SSPN: variants seen among roughly 807,000 people sequenced by gnomAD.
SSPN encodes K-ras oncogene-associated protein.
In SSPN, 15 loss-of-function variants were observed where a neutral mutation model predicts 19.1. That is an observed-to-expected ratio of 0.78 (90% CI 0.52 to 1.21). The LOEUF is 1.21. SSPN is among the 50% of genes most tolerant of loss of function. The pLI, the probability that SSPN is intolerant of heterozygous loss-of-function variation, is 0.00. For synonymous variants in SSPN, 147 were observed against 140.3 expected, an observed-to-expected ratio of 1.05 and a Z score of -0.34; for missense variants, 291 against 314.0, an observed-to-expected ratio of 0.93 and a Z score of 0.55.
At chr12:26,211,050 A>G (rs1944980853) in intron 1 of SSPN, 1 of 152,154 alleles carries the variant, frequency 6.6e-6, no homozygotes, top group South Asian at 2.1e-4. Flanking sequence ...GTGTGAGTGA[A>G]TTCAAGATGG....
chr12:26,200,755 C>T (rs1275947001), intron 1 of SSPN, among the ~76,000 whole-genome samples: 11 of 151,666 alleles, frequency 7.3e-5, no homozygotes, highest in Non-Finnish European at 1.2e-4. Flanking sequence ...ATACATTATT[C>T]ATCATATTGG....
At chr12:26,185,857 C>T (rs977265022) in intron 1 of SSPN, among the ~76,000 whole-genome samples, 1 of 152,192 alleles carries the variant, frequency 6.6e-6, no homozygotes, top group African/African-American at 2.4e-5. Context: ...CAGCGTGTGT[C>T]ATCCTTTATG....
At chr12:26,161,696 C>A (rs1944590208) in intron 1 of SSPN, among the ~76,000 whole-genome samples, 1 of 152,142 alleles carries the variant, frequency 6.6e-6, no homozygotes, top group Non-Finnish European at 1.5e-5. Flanking sequence ...TACCAGGGAC[C>A]AGTTTCATGG....
At chr12:26,177,397 C>T (rs116910287) in intron 1 of SSPN, among the ~76,000 whole-genome samples, 3,461 of 152,250 alleles carry the variant, frequency 0.023, 63 homozygotes, top group Admixed American at 0.038. Context: ...TCGTCTGCAT[C>T]CCCAGTGCTT....
At chr12:26,145,503 G>T (rs1052374999) in intron 1 of SSPN, among the ~76,000 whole-genome samples, 3 of 152,178 alleles carry the variant, frequency 2.0e-5, no homozygotes, top group Admixed American at 6.5e-5. Flanking sequence ...AGTGGTGTCC[G>T]CTATGCCTGG....
chr12:26,124,682 C>G, intron 1 of SSPN: 1 of 1,613,804 alleles, frequency 6.2e-7, no homozygotes, highest in Non-Finnish European at 8.5e-7. Context: ...CAAACCAAAG[C>G]CTAGACAGAT....
chr12:26,148,524 G>A lies in SSPN; in HGVS notation c.-31+26372G>A, dbSNP rs542004175. ...GCTGCTTTACAGAGTGGATGTAAGT[G>A]AAAAATTCAAGGCTTGGAGCAGGCC... On this transcript the variant is annotated intron_variant, in intron 1 of 2. Transcript: ENST00000538142. Among the ~76,000 whole-genome samples the A allele has an allele frequency of 3.3e-5, 5 of 152,310 alleles. No individual in the cohort carries two copies. In the South Asian group the frequency reaches 6.2e-4, roughly 19 times the overall value.
intron 1 of SSPN, among the ~76,000 whole-genome samples, chr12:26,151,136 T>A (rs759470660): frequency 6.6e-6 from 1 of 152,196 alleles, no homozygotes; most frequent in Non-Finnish European, 1.5e-5. Context: ...TTTCTATGAC[T>A]GTTCCTTCTC....
intron 1 of SSPN, among the ~76,000 whole-genome samples, chr12:26,163,368 C>T (rs956078036): frequency 1.3e-5 from 2 of 152,158 alleles, no homozygotes; most frequent in East Asian, 3.8e-4. Context: ...GAATGTCTAG[C>T]ACAAGAATAA....
chr12:26,224,415 A>G, intron 2 of SSPN, 36 bp downstream of exon 2: 2 of 1,506,368 alleles, frequency 1.3e-6, no homozygotes, highest in Non-Finnish European at 1.8e-6. Flanking sequence ...TTATCATCAC[A>G]TAGAAAGAAA....
chr12:26,140,840 T>C (rs982828017), intron 1 of SSPN, among the ~76,000 whole-genome samples: 1 of 152,234 alleles, frequency 6.6e-6, no homozygotes, highest in Non-Finnish European at 1.5e-5. Flanking sequence ...GGTAGTTCTT[T>C]ATAGCAATGT....
chr12:26,162,074 GT>G (rs1472093860), intron 1 of SSPN, among the ~76,000 whole-genome samples: 2 of 152,146 alleles, frequency 1.3e-5, no homozygotes, highest in Non-Finnish European at 2.9e-5. Flanking sequence ...ATAAATGAAT[GT>G]TTTTGGTGCA....
rs188769266 is a variant in SSPN, at chr12:26,174,709, C to T, written c.-30-49584C>T. Among the ~76,000 whole-genome samples the T allele has an allele frequency of 1.9e-4, 29 of 152,072 alleles. No individual in the cohort carries two copies. In the East Asian group the frequency reaches 3.9e-3, roughly 20 times the overall value. Reference sequence around the variant, plus strand: ...CTCATTTTTGTATTTTTAGTAGAGACGGGGTTTCACCATGTTGGCCAGGCT... The same window carrying T: ...CTCATTTTTGTATTTTTAGTAGAGATGGGGTTTCACCATGTTGGCCAGGCT... On this transcript the variant is annotated intron_variant, in intron 1 of 2. Transcript: ENST00000538142.
chr12:26,226,528 C>T (rs1029102957), intron 2 of SSPN, among the ~76,000 whole-genome samples: 2 of 151,948 alleles, frequency 1.3e-5, no homozygotes, highest in African/African-American at 4.8e-5. Flanking sequence ...GCTGGGACAG[C>T]CCTCTGGGGG....
chr12:26,141,911 G>A lies in SSPN; in HGVS notation c.-31+19759G>A, dbSNP rs537321461. Reference sequence around the variant, plus strand: ...ACAGTATAATGAAGGCTATAAAAGGGACTCATATGGGGAGTCACAGGCACC... The same window carrying A: ...ACAGTATAATGAAGGCTATAAAAGGAACTCATATGGGGAGTCACAGGCACC... On this transcript the variant is annotated intron_variant, in intron 1 of 2. Transcript: ENST00000538142. Among the ~76,000 whole-genome samples, 11 of 152,276 alleles carry A rather than the reference G, an allele frequency of 7.2e-5. No individual in the cohort carries two copies. In the South Asian group the frequency reaches 2.3e-3, roughly 32 times the overall value.
At chr12:26,184,542 A>G (rs779754059) in intron 1 of SSPN, among the ~76,000 whole-genome samples, 23 of 152,212 alleles carry the variant, frequency 1.5e-4, no homozygotes, top group Non-Finnish European at 7.3e-5. Context: ...TTTTATTTAC[A>G]TACATCTGAC....
chr12:26,197,478 G>A (rs547972527), intron 1 of SSPN, among the ~76,000 whole-genome samples: 1 of 152,180 alleles, frequency 6.6e-6, no homozygotes, highest in South Asian at 2.1e-4. Flanking sequence ...AATGCCAGGG[G>A]AATTAAAACA....
At position 26,124,187 on chromosome 12, in the gene SSPN, T is replaced by C. The variant is rs759636418; in HGVS notation, c.-31+2035T>C. 1.9e-5 allele frequency: 29 copies of C among 1,547,888 alleles called. No individual in the cohort carries two copies. The African/African-American group carries it at 2.7e-4, about 15-fold the overall frequency. On this transcript the variant is annotated intron_variant, in intron 1 of 2. Coordinates refer to the SSPN transcript ENST00000538142. ...CGGTAATTTGTAGGTATCCTTAATATATGAGAGTCATGGAAAAGAGAAAAC... is the reference window on the plus strand; with the variant it reads ...CGGTAATTTGTAGGTATCCTTAATACATGAGAGTCATGGAAAAGAGAAAAC...
chr12:26,186,413 G>A (rs535734689), intron 1 of SSPN, among the ~76,000 whole-genome samples: 3 of 152,186 alleles, frequency 2.0e-5, no homozygotes, highest in Non-Finnish European at 4.4e-5. Flanking sequence ...AAGTGGTACC[G>A]ATTCTTAAAA....
Sources: gnomAD v4.1 joint callset for allele counts (sites outside exome capture counted in the v4.1 genomes callset) on GRCh38, gnomAD v4.1.1 for gene constraint, MANE v1.5 for transcripts, NCBI Gene and HGNC (gene_info 2026-07-23, HGNC 2026-07-21) for gene names.